CEP85L: variants seen among roughly 807,000 people sequenced by gnomAD.
CEP85L encodes centrosomal protein of 85 kDa-like.
CEP85L carries 60 observed loss-of-function variants against 100.3 expected under a neutral mutation model. The ratio of observed to expected loss-of-function variants is 0.60; its 90% CI spans 0.49 to 0.74. The LOEUF (loss-of-function observed/expected upper bound fraction) is 0.74, where lower values mean the gene tolerates loss of function less well. CEP85L is among the 30% of genes least tolerant of loss of function. CEP85L has a pLI of 0.00. For missense variants in CEP85L, 973 were observed against 936.2 expected (o/e 1.04, Z -0.51); for synonymous variants, 319 against 322.7 (o/e 0.99, Z 0.12).
At chr6:118,484,920 T>C (rs139552416) in intron 6 of CEP85L, among the ~76,000 whole-genome samples, 70 of 152,330 alleles carry the variant, frequency 4.6e-4, no homozygotes, top group African/African-American at 1.3e-3. Flanking sequence ...TGTGTCATAA[T>C]TGAATTTGCA....
chr6:118,515,671 TAA>T (rs1023442651), intron 4 of CEP85L, among the ~76,000 whole-genome samples: 19 of 152,294 alleles, frequency 1.2e-4, no homozygotes, highest in African/African-American at 4.6e-4. Context: ...AATCAGAAGA[TAA>T]ACTAAGTATT....
chr6:118,701,404 A>C (rs1777400974), intron 1 of CEP85L, among the ~76,000 whole-genome samples: 1 of 152,202 alleles, frequency 6.6e-6, no homozygotes, highest in Admixed American at 6.5e-5. Flanking sequence ...CTGGATAAAG[A>C]AAATGTGGTA....
Position 118,465,193 on chromosome 6 carries a change from AT to A in CEP85L, c.*211del. On this transcript the variant is annotated 3_prime_UTR_variant, in exon 13 of 13. Transcript: ENST00000368491. ...TTTTTTTCCTTGTAGATTTTATCAT[AT>A]TTTCCAAAGGTAATTTGATTTTTTT... is the stretch of plus-strand genomic sequence containing the variant. 2.1e-6 allele frequency: 1 copy of A among 473,408 alleles called. No individual in the cohort carries two copies. The highest frequency in any genetic ancestry group is 3.7e-6 in the Non-Finnish European group (1 of 269,306). 29.3% of individuals were successfully genotyped at this position (473,408 alleles called of 1,614,324 possible).
upstream of CEP85L, among the ~76,000 whole-genome samples, chr6:118,653,923 G>A (rs1051981159): frequency 1.3e-5 from 2 of 152,088 alleles, no homozygotes; most frequent in Non-Finnish European, 2.9e-5. Context: ...TGTTTAAAAT[G>A]TCTCATTTCA....
intron 7 of CEP85L, among the ~76,000 whole-genome samples, chr6:118,483,492 G>C (rs941393396): frequency 6.6e-6 from 1 of 151,986 alleles, no homozygotes; most frequent in African/African-American, 2.4e-5. Context: ...GTAGTTAAGA[G>C]AGTTACAATA....
At chr6:118,553,261 G>C (rs928895518) in intron 3 of CEP85L, among the ~76,000 whole-genome samples, 15 of 148,162 alleles carry the variant, frequency 1.0e-4, no homozygotes, top group African/African-American at 3.7e-4. Flanking sequence ...TGTCAGTGCA[G>C]AGAAGAGAAT....
intron 2 of CEP85L, among the ~76,000 whole-genome samples, chr6:118,586,296 C>T (rs1217715444): frequency 6.6e-6 from 1 of 152,202 alleles, no homozygotes; most frequent in African/African-American, 2.4e-5. Context: ...TATGGACACA[C>T]TTTCCTTACC....
intron 2 of CEP85L, among the ~76,000 whole-genome samples, chr6:118,578,634 C>A (rs1290245011): frequency 6.6e-6 from 1 of 152,112 alleles, no homozygotes; most frequent in Non-Finnish European, 1.5e-5. Flanking sequence ...GAGGCTGAGG[C>A]AGGAGAATGA....
At chr6:118,581,607 C>G (rs1780583276) in intron 2 of CEP85L, among the ~76,000 whole-genome samples, 1 of 152,034 alleles carries the variant, frequency 6.6e-6, no homozygotes, top group Non-Finnish European at 1.5e-5. Flanking sequence ...GTGCCGGGAC[C>G]CAGGAACCAG....
intron 3 of CEP85L, among the ~76,000 whole-genome samples, chr6:118,541,548 G>A (rs1777903585): frequency 6.6e-6 from 1 of 152,044 alleles, no homozygotes; most frequent in Non-Finnish European, 1.5e-5. Context: ...AAAAATCAAG[G>A]TTCAGTTCTA....
rs758595268 is a variant in CEP85L, at chr6:118,565,580, C to G, written c.969G>C (p.Trp323Cys). ...GAAAGTCTTCAATTTGCTGCTGTTG[C>G]CAAGGAGCTAAACTGTAAGAATCCT... ...NTEDSYSLAP[W>C]QQQQIEDFRQ... is the part of the protein sequence containing the mutation. The change falls in exon 3 of 13, where the codon TGG becomes TGC. Residue 323 changes from tryptophan to cysteine, a missense_variant. Around this residue, in one of 3 missense-constraint regions of CEP85L, gnomAD observed 890 missense variants for 844.5 expected, o/e 1.05. Transcript: ENST00000368491. The G allele has an allele frequency of 3.1e-6, 5 of 1,614,150 alleles. No individual in the cohort carries two copies. The South Asian group carries it at 5.5e-5, about 18-fold the overall frequency.
At chr6:118,499,153 A>G (rs928254165) in intron 5 of CEP85L, among the ~76,000 whole-genome samples, 1 of 152,230 alleles carries the variant, frequency 6.6e-6, no homozygotes, top group Non-Finnish European at 1.5e-5. Context: ...GATAAGAAAA[A>G]AAGGATCTAA....
At chr6:118,663,049 TAA>T (rs58082624) in intron 1 of CEP85L, among the ~76,000 whole-genome samples, 2 of 144,564 alleles carry the variant, frequency 1.4e-5, no homozygotes, top group Non-Finnish European at 1.5e-5. Context: ...ATTTTCATGG[TAA>T]AAAAAAAAAG....
intron 1 of CEP85L, among the ~76,000 whole-genome samples, chr6:118,680,274 A>G (rs1297708578): frequency 3.2e-5 from 3 of 92,616 alleles, no homozygotes; most frequent in Admixed American, 3.2e-4. Context: ...GCCTGGGGAA[A>G]AAAAAAAAAA....
At chr6:118,488,169 T>C (rs935223477) in intron 6 of CEP85L, among the ~76,000 whole-genome samples, 1 of 151,578 alleles carries the variant, frequency 6.6e-6, no homozygotes, top group African/African-American at 2.4e-5. Flanking sequence ...GGAGGAAAAA[T>C]TAACACACAG....
intron 2 of CEP85L, among the ~76,000 whole-genome samples, chr6:118,573,132 A>G (rs991598122): frequency 3.3e-5 from 5 of 152,330 alleles, no homozygotes; most frequent in Admixed American, 2.0e-4. Flanking sequence ...GCTGCAGAGC[A>G]GGACTAAAGC....
chr6:118,554,077 C>T (rs1778704149), intron 3 of CEP85L, among the ~76,000 whole-genome samples: 1 of 152,100 alleles, frequency 6.6e-6, no homozygotes, highest in East Asian at 1.9e-4. Flanking sequence ...TACCTGAGCT[C>T]AGGAGTTTGA....
chr6:118,709,556 T>TGTGTGTGTGTGTGTGTGTGTGTGAGAGA (rs751698371), intron 1 of CEP85L, among the ~76,000 whole-genome samples: 1 of 142,224 alleles, frequency 7.0e-6, no homozygotes, highest in Non-Finnish European at 1.5e-5. Flanking sequence ...TGTGTGTGTG[T>TGTGTGTGTGTGTGTGTGTGTGTGAGAGA]GAGAGAGAGA....
At chr6:118,621,574 T>C (rs1375908490) in intron 2 of CEP85L, among the ~76,000 whole-genome samples, 1 of 152,202 alleles carries the variant, frequency 6.6e-6, no homozygotes, top group African/African-American at 2.4e-5. Flanking sequence ...TGACTTACTT[T>C]GGGCTACCAG....
Sources: gnomAD v4.1 joint callset for allele counts (sites outside exome capture counted in the v4.1 genomes callset) on GRCh38, gnomAD v4.1.1 for gene constraint, gnomAD v4.1.1 regional missense constraint, MANE v1.5 for transcripts, NCBI Gene and HGNC (gene_info 2026-07-23, HGNC 2026-07-21) for gene names.